Variants in EHMT1 observed in about 807,000 individuals in gnomAD.
The protein encoded by EHMT1 is histone-lysine N-methyltransferase EHMT1.
EHMT1 carries 15 observed loss-of-function variants against 147.2 expected under a neutral mutation model. The ratio of observed to expected loss-of-function variants is 0.10; its 90% CI spans 0.07 to 0.16. The LOEUF is 0.16. Ranked by LOEUF, EHMT1 falls within the 10% of genes least tolerant of loss-of-function variation. The pLI, the probability that EHMT1 is intolerant of heterozygous loss-of-function variation, is 1.00. For synonymous variants in EHMT1, 795 were observed against 709.6 expected (o/e 1.12, Z -1.91); for missense variants, 1,587 against 1,772.4 (o/e 0.90, Z 1.88).
chr9:137,702,726 T>C (rs1472340620), intron 1 of EHMT1, among the ~76,000 whole-genome samples: 1 of 152,198 alleles, frequency 6.6e-6, no homozygotes, highest in Admixed American at 6.5e-5. Flanking sequence ...CAGTGGAGAC[T>C]CTATGTGGGG....
chr9:137,650,226 ATAGT>A (rs1433500678), intron 1 of EHMT1, among the ~76,000 whole-genome samples: 1 of 151,982 alleles, frequency 6.6e-6, no homozygotes, highest in Non-Finnish European at 1.5e-5. Context: ...AGCCTCCTTA[ATAGT>A]TAGAACTACA....
At chr9:137,833,982 C>T in intron 25 of EHMT1, 1 of 313,872 alleles carries the variant, frequency 3.2e-6, no homozygotes, top group Non-Finnish European at 6.0e-6. Context: ...TCTTGCAGCC[C>T]CGGCCTCCTT....
chr9:137,721,872 G>A (rs1946092645), intron 3 of EHMT1, among the ~76,000 whole-genome samples: 1 of 152,166 alleles, frequency 6.6e-6, no homozygotes, highest in South Asian at 2.1e-4. Context: ...ACAGAGCAAA[G>A]GTGTTTCATT....
In EHMT1 at chr9:137,744,040, G is replaced by T; in HGVS notation, c.1120G>T (p.Asp374Tyr). The change falls in exon 6 of 27, where the codon GAC becomes TAC. Residue 374 changes from aspartate to tyrosine, a missense_variant. Around this residue, in one of 7 missense-constraint regions of EHMT1, gnomAD observed 810 missense variants for 673.0 expected, o/e 1.20. Transcript: ENST00000460843. ...GCAGGCGGCCGCGTTCCCCACAGAGGACAGCAGGACTTCCAAGGAGAGCAT... is the reference window on the plus strand; with the variant it reads ...GCAGGCGGCCGCGTTCCCCACAGAGTACAGCAGGACTTCCAAGGAGAGCAT... ...AEQAAAFPTE[D>Y]SRTSKESMSE... 6.2e-7 allele frequency: 1 copy of T among 1,614,158 alleles called. No individual in the cohort carries two copies. Among genetic ancestry groups the T allele is most frequent in the African/African-American group, 1.3e-5 (1 of 75,052 alleles).
chr9:137,755,670 T>TG (rs1949326643), intron 8 of EHMT1, among the ~76,000 whole-genome samples: 1 of 152,228 alleles, frequency 6.6e-6, no homozygotes, highest in Admixed American at 6.5e-5. Context: ...GCACTCGTCC[T>TG]GTTTTAGGTC....
chr9:137,685,480 A>G (rs893866358), intron 1 of EHMT1: 1 of 152,192 alleles, frequency 6.6e-6, no homozygotes, highest in African/African-American at 2.4e-5. Flanking sequence ...TCATCTGTTA[A>G]TGGGCACATG....
chr9:137,715,592 G>T (rs1210014941), intron 2 of EHMT1: 2 of 985,320 alleles, frequency 2.0e-6, no homozygotes, highest in Non-Finnish European at 2.4e-6. Context: ...TGTGCACCTA[G>T]CGATGCCATC....
At chr9:137,684,969 T>C (rs1413044196) in intron 1 of EHMT1, among the ~76,000 whole-genome samples, 1 of 152,214 alleles carries the variant, frequency 6.6e-6, no homozygotes, top group African/African-American at 2.4e-5. Context: ...AGGAGTCTTT[T>C]CTAATAATTG....
At chr9:137,803,855 C>A (rs1361309447) in intron 18 of EHMT1, among the ~76,000 whole-genome samples, 1 of 150,262 alleles carries the variant, frequency 6.7e-6, no homozygotes, top group Non-Finnish European at 1.5e-5. Context: ...AAAAAAAAAA[C>A]CTGCCAAACT....
At chr9:137,761,216 C>T (rs1172071902) in intron 9 of EHMT1, among the ~76,000 whole-genome samples, 1 of 152,128 alleles carries the variant, frequency 6.6e-6, no homozygotes, top group Non-Finnish European at 1.5e-5. Flanking sequence ...TTGTTCTGTC[C>T]CTGCTGGAAA....
intron 15 of EHMT1, among the ~76,000 whole-genome samples, chr9:137,790,309 G>C (rs758193873): frequency 6.6e-6 from 1 of 152,198 alleles, no homozygotes; most frequent in Non-Finnish European, 1.5e-5. Context: ...GGCTTCTTAA[G>C]TTTCAGACCA....
intron 18 of EHMT1, chr9:137,803,237 A>G: frequency 9.0e-7 from 1 of 1,106,542 alleles, no homozygotes; most frequent in South Asian, 4.5e-5. Flanking sequence ...TTATTGCTGT[A>G]TAATAGGTAG....
chr9:137,691,384 C>T (rs1327701436), intron 1 of EHMT1, among the ~76,000 whole-genome samples: 1 of 149,346 alleles, frequency 6.7e-6, no homozygotes, highest in African/African-American at 2.5e-5. Context: ...CTCTGTGTTG[C>T]CTAGTCTGGT....
intron 4 of EHMT1, among the ~76,000 whole-genome samples, chr9:137,740,986 T>G (rs1253020681): frequency 6.8e-6 from 1 of 147,778 alleles, no homozygotes; most frequent in Non-Finnish European, 1.5e-5. Flanking sequence ...ATTTTTTTTT[T>G]GTTTGTTTGA....
At chr9:137,661,061 T>G (rs923537025) in intron 1 of EHMT1, among the ~76,000 whole-genome samples, 2 of 152,246 alleles carry the variant, frequency 1.3e-5, no homozygotes, top group African/African-American at 4.8e-5. Flanking sequence ...ACAATGCTAG[T>G]GGATGTTTTT....
intron 25 of EHMT1, among the ~76,000 whole-genome samples, chr9:137,824,461 G>T (rs778403536): frequency 7.3e-4 from 110 of 150,574 alleles, no homozygotes; most frequent in Non-Finnish European, 1.1e-3. Flanking sequence ...CTCATACTCG[G>T]TTTTTTTTTC....
At chr9:137,777,057 T>TTGCC in intron 12 of EHMT1, 1 of 556,516 alleles carries the variant, frequency 1.8e-6, no homozygotes, top group Non-Finnish European at 3.2e-6. Flanking sequence ...GTAGATCCAT[T>TTGCC]TGCCTGTTTT....
At chr9:137,827,597 G>T (rs1473536402) in intron 25 of EHMT1, among the ~76,000 whole-genome samples, 2 of 152,190 alleles carry the variant, frequency 1.3e-5, no homozygotes, top group Non-Finnish European at 2.9e-5. Context: ...TCTGTTCTCA[G>T]CCTGGGGCTA....
At chr9:137,758,111 T>A (rs990181691) in intron 9 of EHMT1, 100 bp downstream of exon 9, 4 of 1,520,452 alleles carry the variant, frequency 2.6e-6, no homozygotes, top group Non-Finnish European at 3.6e-6. Flanking sequence ...TGGACACTAG[T>A]AGAAGATCGG....
Sources: allele counts gnomAD v4.1 joint callset (sites outside exome capture counted in the v4.1 genomes callset), GRCh38; gene constraint gnomAD v4.1.1; regional missense constraint gnomAD v4.1.1; transcripts MANE v1.5; gene names NCBI Gene and HGNC (gene_info 2026-07-23, HGNC 2026-07-21).